The following SCFD2 variants were observed in gnomAD, a reference collection of about 807,000 sequenced individuals.
The protein encoded by SCFD2 is sec1 family domain-containing protein 2.
A neutral mutation model predicts 58.9 loss-of-function variants in SCFD2; 54 were observed. That is an observed-to-expected ratio of 0.92 (90% CI 0.74 to 1.15). The LOEUF (loss-of-function observed/expected upper bound fraction) is 1.15, where lower values mean the gene tolerates loss of function less well. Among genes scored for constraint, SCFD2 ranks in the 50% most tolerant of loss-of-function variants. SCFD2 has a pLI of 0.00. For missense variants in SCFD2, 805 were observed against 836.6 expected (o/e 0.96, Z 0.47); for synonymous variants, 321 against 335.9 (o/e 0.96, Z 0.49).
chr4:52,956,340 A>C (rs1328148775), intron 5 of SCFD2: 1 of 411,778 alleles, frequency 2.4e-6, no homozygotes, highest in South Asian at 1.7e-5. Flanking sequence ...CAAGGGGACT[A>C]TGTTAGATAG....
intron 5 of SCFD2, among the ~76,000 whole-genome samples, chr4:52,981,909 A>AC (rs1560501050): frequency 6.6e-6 from 1 of 152,194 alleles, no homozygotes; most frequent in Non-Finnish European, 1.5e-5. Flanking sequence ...AGGTTCTTAC[A>AC]GTGTGCAGAC....
At chr4:53,000,718 A>C (rs145132086) in intron 5 of SCFD2, among the ~76,000 whole-genome samples, 547 of 152,352 alleles carry the variant, frequency 3.6e-3, no homozygotes, top group African/African-American at 0.013. Context: ...GATTTGTACC[A>C]GCAGAGAGAA....
intron 4 of SCFD2, among the ~76,000 whole-genome samples, chr4:53,177,188 T>C (rs1416481907): frequency 6.6e-6 from 1 of 152,184 alleles, no homozygotes; most frequent in Non-Finnish European, 1.5e-5. Flanking sequence ...ACATAGGTCA[T>C]CCCCTTATAA....
intron 4 of SCFD2, among the ~76,000 whole-genome samples, chr4:53,218,761 A>G (rs531689823): frequency 1.2e-4 from 18 of 152,098 alleles, no homozygotes; most frequent in African/African-American, 3.6e-4. Context: ...CTTTTTCCCC[A>G]TCTTTGTGGT....
chr4:52,951,590 T>C (rs1329617223), intron 5 of SCFD2, among the ~76,000 whole-genome samples: 1 of 152,186 alleles, frequency 6.6e-6, no homozygotes, highest in African/African-American at 2.4e-5. Flanking sequence ...ATCTGTAGGA[T>C]CCACCTAATT....
intron 5 of SCFD2, among the ~76,000 whole-genome samples, chr4:53,106,991 C>T (rs1017823614): frequency 3.3e-5 from 5 of 152,106 alleles, no homozygotes; most frequent in Admixed American, 2.6e-4. Context: ...GTCGGGTTAC[C>T]CACAAAGGGA....
chr4:53,156,265 T>G (rs1726679129), intron 4 of SCFD2, among the ~76,000 whole-genome samples: 2 of 151,876 alleles, frequency 1.3e-5, no homozygotes, highest in African/African-American at 4.8e-5. Flanking sequence ...CAGGTATGGT[T>G]GCAGGCACCT....
intron 5 of SCFD2, 124 bp downstream of exon 5, chr4:53,145,208 GC>G: frequency 8.5e-7 from 1 of 1,178,264 alleles, no homozygotes; most frequent in African/African-American, 1.5e-5. Context: ...CATTCATCAG[GC>G]CTCATGAAAT....
chr4:53,353,901 T>C (rs1474815422), intron 1 of SCFD2, among the ~76,000 whole-genome samples: 1 of 152,138 alleles, frequency 6.6e-6, no homozygotes, highest in East Asian at 1.9e-4. Flanking sequence ...AGGGTGCTGA[T>C]TGGTGCATTT....
chr4:52,919,445 G>A (rs1719684413), intron 6 of SCFD2, among the ~76,000 whole-genome samples: 1 of 152,172 alleles, frequency 6.6e-6, no homozygotes, highest in African/African-American at 2.4e-5. Flanking sequence ...GGCATTCTCA[G>A]ATCTTTGAGT....
At chr4:53,256,561 C>T (rs1730640194) in intron 4 of SCFD2, among the ~76,000 whole-genome samples, 1 of 152,112 alleles carries the variant, frequency 6.6e-6, no homozygotes, top group South Asian at 2.1e-4. Context: ...GCTGAGATCA[C>T]GCCACTGCAC....
intron 7 of SCFD2, among the ~76,000 whole-genome samples, chr4:52,898,787 T>C (rs1025638169): frequency 1.3e-5 from 2 of 152,224 alleles, no homozygotes; most frequent in African/African-American, 4.8e-5. Context: ...TGTGGGAGTC[T>C]AAGTCTCTTT....
chr4:53,203,423 T>C (rs1445043307), intron 4 of SCFD2, among the ~76,000 whole-genome samples: 1 of 151,914 alleles, frequency 6.6e-6, no homozygotes, highest in African/African-American at 2.4e-5. Context: ...GTAAGTTGGA[T>C]TTTCAATTTT....
At chr4:53,184,165 T>C (rs905576412) in intron 4 of SCFD2, among the ~76,000 whole-genome samples, 14 of 152,162 alleles carry the variant, frequency 9.2e-5, no homozygotes, top group South Asian at 2.1e-4. Flanking sequence ...ATATTCAATT[T>C]TCCTTACATC....
At chr4:52,888,342 A>G (rs1468004319) in intron 7 of SCFD2, among the ~76,000 whole-genome samples, 1 of 152,184 alleles carries the variant, frequency 6.6e-6, no homozygotes, top group East Asian at 1.9e-4. Context: ...AATGACCTCA[A>G]AATAGGTGGT....
chr4:53,268,859 C>A (rs1325112623), intron 4 of SCFD2, among the ~76,000 whole-genome samples: 1 of 152,092 alleles, frequency 6.6e-6, no homozygotes, highest in Non-Finnish European at 1.5e-5. Flanking sequence ...GAGGCATCCA[C>A]GCCACAGGGA....
chr4:53,039,247 A>C (rs1404577576), intron 5 of SCFD2, among the ~76,000 whole-genome samples: 6 of 152,082 alleles, frequency 3.9e-5, no homozygotes, highest in African/African-American at 1.4e-4. Context: ...ACATATACAT[A>C]CCATATGTGT....
chr4:53,092,044 A>G (rs1363716842), intron 5 of SCFD2, among the ~76,000 whole-genome samples: 1 of 152,156 alleles, frequency 6.6e-6, no homozygotes, highest in African/African-American at 2.4e-5. Flanking sequence ...TTAGAACAGG[A>G]AGCAAAATAA....
chr4:52,909,001 T>A (rs1330261839), intron 6 of SCFD2, among the ~76,000 whole-genome samples: 1 of 152,184 alleles, frequency 6.6e-6, no homozygotes, highest in East Asian at 1.9e-4. Context: ...ATTAAAGCTA[T>A]GCCAAGATGG....
Sources: allele counts gnomAD v4.1 joint callset (sites outside exome capture counted in the v4.1 genomes callset), GRCh38; gene constraint gnomAD v4.1.1; transcripts MANE v1.5; gene names NCBI Gene and HGNC (gene_info 2026-07-23, HGNC 2026-07-21).